Variants in CACNA2D1 observed in about 807,000 individuals in gnomAD.
CACNA2D1 encodes calcium voltage-gated channel auxiliary subunit alpha2delta 1, also known as voltage-dependent calcium channel subunit alpha-2/delta-1.
CACNA2D1 carries 53 observed loss-of-function variants against 171.5 expected under a neutral mutation model. The ratio of observed to expected loss-of-function variants is 0.31; its 90% CI spans 0.25 to 0.39. The LOEUF (loss-of-function observed/expected upper bound fraction) is 0.39. Ranked by LOEUF, CACNA2D1 falls within the 10% of genes least tolerant of loss-of-function variation. The pLI is 1.00. For synonymous variants in CACNA2D1, 442 were observed against 443.1 expected, an observed-to-expected ratio of 1.00 and a Z score of 0.03; for missense variants, 903 against 1,299.8, an observed-to-expected ratio of 0.69 and a Z score of 4.69.
At chr7:81,974,221 C>A (rs1795594097) in intron 25 of CACNA2D1, among the ~76,000 whole-genome samples, 1 of 151,834 alleles carries the variant, frequency 6.6e-6, no homozygotes, top group Non-Finnish European at 1.5e-5. Context: ...TTACGTTTAA[C>A]CATTTGAAAG....
chr7:82,104,917 A>C (rs1365743389), intron 6 of CACNA2D1, among the ~76,000 whole-genome samples: 2 of 152,080 alleles, frequency 1.3e-5, no homozygotes, highest in Non-Finnish European at 2.9e-5. Flanking sequence ...CAATTATACC[A>C]TCTAGACATT....
chr7:82,187,653 T>A (rs543183918), intron 3 of CACNA2D1, among the ~76,000 whole-genome samples: 1 of 152,296 alleles, frequency 6.6e-6, no homozygotes, highest in South Asian at 2.1e-4. Context: ...GTCAACTTGG[T>A]TTAATCAATT....
chr7:82,304,717 G>A (rs1813494523), intron 3 of CACNA2D1, among the ~76,000 whole-genome samples: 1 of 152,078 alleles, frequency 6.6e-6, no homozygotes, highest in African/African-American at 2.4e-5. Flanking sequence ...TTTAGGGGAG[G>A]GGTGTATAGA....
chr7:82,254,699 G>A (rs1806084227), intron 3 of CACNA2D1, among the ~76,000 whole-genome samples: 1 of 152,084 alleles, frequency 6.6e-6, no homozygotes, highest in Non-Finnish European at 1.5e-5. Flanking sequence ...TATGGTATCA[G>A]TTATATGTTT....
At chr7:82,402,154 G>C (rs1826500588) in intron 1 of CACNA2D1, among the ~76,000 whole-genome samples, 1 of 152,192 alleles carries the variant, frequency 6.6e-6, no homozygotes, top group Admixed American at 6.6e-5. Flanking sequence ...TTCTGAAAGA[G>C]AAGATGACAT....
At chr7:82,315,592 A>C (rs2129435263) in intron 3 of CACNA2D1, among the ~76,000 whole-genome samples, 1 of 152,298 alleles carries the variant, frequency 6.6e-6, no homozygotes, top group East Asian at 1.9e-4. Context: ...AAAATGTTGC[A>C]AATAAAAAGA....
chr7:82,349,530 G>A, intron 2 of CACNA2D1, 38 bp downstream of exon 2: 2 of 1,483,946 alleles, frequency 1.3e-6, no homozygotes, highest in South Asian at 2.3e-5. Flanking sequence ...TCGAATTAAT[G>A]AAAAGATTAA....
At chr7:82,399,277 A>G (rs976072816) in intron 1 of CACNA2D1, among the ~76,000 whole-genome samples, 19 of 152,166 alleles carry the variant, frequency 1.2e-4, no homozygotes, top group Admixed American at 4.6e-4. Context: ...CTGTCTCTAC[A>G]AAAAATACGA....
intron 3 of CACNA2D1, among the ~76,000 whole-genome samples, chr7:82,226,476 T>C (rs1802375950): frequency 1.3e-5 from 2 of 152,190 alleles, no homozygotes. Context: ...GAGGACTGAT[T>C]TAACTTTGTA....
At chr7:82,100,584 TG>T (rs1232307125) in intron 6 of CACNA2D1, among the ~76,000 whole-genome samples, 15 of 152,276 alleles carry the variant, frequency 9.9e-5, no homozygotes, top group African/African-American at 3.6e-4. Flanking sequence ...ACTATCAAAG[TG>T]TACTTATTTT....
chr7:82,085,880 T>C (rs183943224), intron 6 of CACNA2D1, among the ~76,000 whole-genome samples: 2 of 152,260 alleles, frequency 1.3e-5, no homozygotes, highest in African/African-American at 4.8e-5. Flanking sequence ...TAAGATATAA[T>C]ATGGGTTAAA....
intron 3 of CACNA2D1, among the ~76,000 whole-genome samples, chr7:82,255,772 C>A (rs1050299032): frequency 1.3e-5 from 2 of 152,202 alleles, no homozygotes; most frequent in African/African-American, 4.8e-5. Context: ...CACTGGCAAT[C>A]TTCTATGATG....
intron 9 of CACNA2D1, among the ~76,000 whole-genome samples, chr7:82,061,018 T>A (rs1584592633): frequency 1.3e-5 from 2 of 152,152 alleles, no homozygotes; most frequent in East Asian, 3.9e-4. Context: ...TATTCTTCAT[T>A]TTTCTTTCCT....
At chr7:82,010,769 T>C (rs1036834716) in intron 15 of CACNA2D1, among the ~76,000 whole-genome samples, 7 of 152,182 alleles carry the variant, frequency 4.6e-5, no homozygotes, top group African/African-American at 1.4e-4. Context: ...TATATGTTTA[T>C]TTTCTAAAAA....
Position 81,948,459 on chromosome 7 carries a change from T to TATTG in CACNA2D1, c.*1929_*1932dup, listed in dbSNP as rs1554319558. The TATTG allele has an allele frequency of 6.8e-6, 1 of 146,432 alleles. No individual in the cohort carries two copies. Among genetic ancestry groups the TATTG allele is most frequent in the Non-Finnish European group, 1.5e-5 (1 of 65,260 alleles). 9.1% of individuals were successfully genotyped at this position (146,432 alleles called of 1,614,324 possible). A position where few individuals can be genotyped will look rare whatever the true frequency, so the allele number is the denominator to read the frequency against. ...GTGATTCCATTTCCCCCCACCTTTT[T>TATTG]ATTGAAAAAAAAAATCTTGAAATGT... On this transcript the variant is annotated 3_prime_UTR_variant, in exon 39 of 39. Transcript: ENST00000356860.
chr7:82,285,551 C>T (rs1431898106), intron 3 of CACNA2D1, among the ~76,000 whole-genome samples: 1 of 152,056 alleles, frequency 6.6e-6, no homozygotes, highest in African/African-American at 2.4e-5. Flanking sequence ...AAGGAGGTGT[C>T]AGGGCAGTAC....
intron 1 of CACNA2D1, among the ~76,000 whole-genome samples, chr7:82,412,280 CTTTTT>C (rs11419755): frequency 8.0e-6 from 1 of 124,842 alleles, no homozygotes. Context: ...GTGCTTGTAA[CTTTTT>C]TTTTTTTTTT....
At chr7:82,131,896 G>A (rs1353581410) in intron 5 of CACNA2D1, among the ~76,000 whole-genome samples, 2 of 152,094 alleles carry the variant, frequency 1.3e-5, no homozygotes, top group East Asian at 3.9e-4. Flanking sequence ...GTAAACAAAA[G>A]ATCCAATTAA....
intron 38 of CACNA2D1, among the ~76,000 whole-genome samples, chr7:81,958,685 T>TTTATCAAACCCTATGTAA (rs1217709557): frequency 6.6e-6 from 1 of 151,808 alleles, no homozygotes; most frequent in East Asian, 1.9e-4. Context: ...TTTGTAATAT[T>TTTATCAAACCCTATGTAA]TTATCAAACC....
Sources: allele counts gnomAD v4.1 joint callset (sites outside exome capture counted in the v4.1 genomes callset), GRCh38; gene constraint gnomAD v4.1.1; transcripts MANE v1.5; gene names NCBI Gene and HGNC (gene_info 2026-07-23, HGNC 2026-07-21).